FUT8: variants seen among roughly 807,000 people sequenced by gnomAD.
FUT8 encodes fucosyltransferase 8, also known as alpha-(1,6)-fucosyltransferase.
Under a neutral mutation model 71.3 loss-of-function variants are expected in FUT8, and 29 were observed. That is an observed-to-expected ratio of 0.41 (90% CI 0.30 to 0.55). The LOEUF (loss-of-function observed/expected upper bound fraction) is 0.55. Ranked by LOEUF, FUT8 falls within the 20% of genes least tolerant of loss-of-function variation. The pLI, the probability that FUT8 is intolerant of heterozygous loss-of-function variation, is 0.34. For missense variants in FUT8, 544 were observed against 702.1 expected (o/e 0.77, Z 2.55); for synonymous variants, 254 against 239.3 (o/e 1.06, Z -0.57).
intron 2 of FUT8, among the ~76,000 whole-genome samples, chr14:65,525,676 C>T (rs1481554856): frequency 6.6e-6 from 1 of 152,166 alleles, no homozygotes; most frequent in Non-Finnish European, 1.5e-5. Flanking sequence ...TTAGATCTTT[C>T]CTGCTTTCTC....
At chr14:65,544,361 T>A (rs1884863568) in intron 2 of FUT8, among the ~76,000 whole-genome samples, 1 of 152,184 alleles carries the variant, frequency 6.6e-6, no homozygotes, top group South Asian at 2.1e-4. Flanking sequence ...TATAGCAGGG[T>A]AAACTGTCCA....
At position 65,634,379 on chromosome 14, in the gene FUT8, A is replaced by G. The variant is rs191697238; in HGVS notation, c.597+4773A>G. On this transcript the variant is annotated intron_variant, in intron 6 of 10. Transcript: ENST00000673929. ...GCTTGAAGGCAACATGCTCGTTAAG[A>G]GTCATCACCACTCCCTAATCTCAAG... is the stretch of plus-strand genomic sequence containing the variant. Among the ~76,000 whole-genome samples the G allele has an allele frequency of 4.4e-3, 670 of 152,162 alleles. 4 individuals are homozygous for G. Among genetic ancestry groups the G allele is most frequent in the Non-Finnish European group, 7.8e-3 (531 of 68,000 alleles).
intron 3 of FUT8, among the ~76,000 whole-genome samples, chr14:65,595,602 C>CTTTTTTTTTT (rs34129010): frequency 2.6e-4 from 21 of 81,756 alleles, no homozygotes; most frequent in East Asian, 3.8e-4. Flanking sequence ...ACACCATTCT[C>CTTTTTTTTTT]TTTTTTTTTT....
intron 5 of FUT8, among the ~76,000 whole-genome samples, chr14:65,619,674 G>A (rs749909336): frequency 4.6e-5 from 7 of 151,882 alleles, no homozygotes; most frequent in Non-Finnish European, 5.9e-5. Context: ...AGGTGTTGAT[G>A]GTATAATAAA....
At chr14:65,584,005 G>C (rs1438258545) in intron 3 of FUT8, among the ~76,000 whole-genome samples, 2 of 151,976 alleles carry the variant, frequency 1.3e-5, no homozygotes, top group East Asian at 1.9e-4. Context: ...TCAGCTTCCC[G>C]AGTAGCTGGG....
chr14:65,740,164 T>A (rs946862040), intron 10 of FUT8, among the ~76,000 whole-genome samples: 8 of 152,156 alleles, frequency 5.3e-5, no homozygotes, highest in African/African-American at 1.9e-4. Flanking sequence ...ATGATCTCAA[T>A]TGTAAAATGA....
intron 6 of FUT8, among the ~76,000 whole-genome samples, chr14:65,665,728 T>C (rs1488620538): frequency 6.6e-6 from 1 of 152,174 alleles, no homozygotes; most frequent in Non-Finnish European, 1.5e-5. Flanking sequence ...GTCATACATA[T>C]ACACCATGGA....
chr14:65,425,382 A>G (rs941152026), intron 1 of FUT8, among the ~76,000 whole-genome samples: 1 of 149,768 alleles, frequency 6.7e-6, no homozygotes, highest in Non-Finnish European at 1.5e-5. Context: ...TAGTCAGGCT[A>G]GTCTAGAACT....
chr14:65,722,498 C>A lies in FUT8; in HGVS notation c.1082+477C>A, dbSNP rs557734967. 1.6e-4 allele frequency among the ~76,000 whole-genome samples: 24 copies of A among 152,274 alleles called. No individual in the cohort carries two copies. In the South Asian group the frequency reaches 5.0e-3, roughly 32 times the overall value. On this transcript the variant is annotated intron_variant, in intron 8 of 10. Coordinates refer to ENST00000673929, the MANE Select transcript of FUT8 (RefSeq NM_001371533.1). ...TTCATATTTCCCACCCCACATCTTTCCTTGTGTCTTAGTCTTCATATGTAG... is the reference window on the plus strand; with the variant it reads ...TTCATATTTCCCACCCCACATCTTTACTTGTGTCTTAGTCTTCATATGTAG...
rs2066168789 is a variant in FUT8 at position 65,472,792 on chromosome 14, G to A, written c.-228+17074G>A. 6.6e-6 allele frequency among the ~76,000 whole-genome samples: 1 copy of A among 151,960 alleles called. No homozygotes were observed. The highest frequency in any genetic ancestry group is 1.5e-5 in the Non-Finnish European group (1 of 67,958). ...TTTTATGAGCACAGAATAAGGTAAT[G>A]TTTATTCTTATTTTTTTTGTGATAT... On this transcript the variant is annotated intron_variant, in intron 2 of 10. Transcript: ENST00000673929. This position sits in a 1 kb window ranked among gnomAD's most constrained non-coding sequence, Gnocchi z 4.4.
chr14:65,722,000 G>C lies in FUT8; in HGVS notation c.1061G>C (p.Gly354Ala). ...ATAGAAGAAGCCACCAAGAAGCTTGGCTTCAAACATCCAGTTATTGGGTAA... is the reference window on the plus strand; with the variant it reads ...ATAGAAGAAGCCACCAAGAAGCTTGCCTTCAAACATCCAGTTATTGGGTAA... ...KEIEEATKKL[G>A]FKHPVIGVHV... is the part of the protein sequence containing the mutation. The change falls in exon 8 of 11, where the codon GGC (glycine) becomes GCC (alanine). Residue 354 changes from glycine to alanine, a missense_variant. Gly to Ala is a moderately conservative substitution (Grantham distance 60). Coordinates refer to ENST00000673929, the MANE Select transcript of FUT8 (RefSeq NM_001371533.1). The C allele has an allele frequency of 6.2e-7, 1 of 1,614,080 alleles. No individual in the cohort carries two copies.
At chr14:65,370,466 C>T in the FUT8 span, among the ~76,000 whole-genome samples, 2 of 151,580 alleles carry the variant, frequency 1.3e-5, no homozygotes, top group Non-Finnish European at 2.9e-5. Context: ...CCTCGGCCTC[C>T]CAAAGTGCTA....
chr14:65,734,327 G>A (rs1383404733), intron 10 of FUT8, among the ~76,000 whole-genome samples: 4 of 152,094 alleles, frequency 2.6e-5, no homozygotes, highest in Non-Finnish European at 4.4e-5. Context: ...AGTATACTTC[G>A]GAGAGTAAAA....
In FUT8 at chr14:65,660,689, C is replaced by A. The variant is rs1349296506; in HGVS notation, c.598-8554C>A. Among the ~76,000 whole-genome samples, 1 of 152,170 alleles carries A rather than the reference C, an allele frequency of 6.6e-6. No homozygotes were observed. The highest frequency in any genetic ancestry group is 1.5e-5 in the Non-Finnish European group (1 of 68,022). On this transcript the variant is annotated intron_variant, in intron 6 of 10. Coordinates refer to ENST00000673929, the MANE Select transcript of FUT8 (RefSeq NM_001371533.1). This position sits in a 1 kb window ranked among gnomAD's most constrained non-coding sequence, Gnocchi z 4.1. Reference sequence around the variant, plus strand: ...AAAGGATGCCTTAGTACAGTCTTAACTTTGCTATGGAAATATTCTTGTTTA... The same window carrying A: ...AAAGGATGCCTTAGTACAGTCTTAAATTTGCTATGGAAATATTCTTGTTTA...
intron 7 of FUT8, among the ~76,000 whole-genome samples, chr14:65,671,932 T>A (rs1437170917): frequency 6.6e-6 from 1 of 152,190 alleles, no homozygotes; most frequent in Non-Finnish European, 1.5e-5. Flanking sequence ...GTACAAAAAA[T>A]CTTGGGATAT....
At chr14:65,499,996 C>T (rs1005481081) in intron 2 of FUT8, among the ~76,000 whole-genome samples, 1 of 152,190 alleles carries the variant, frequency 6.6e-6, no homozygotes, top group Non-Finnish European at 1.5e-5. Flanking sequence ...TTTGGTCTCA[C>T]ATACACACTT....
intron 7 of FUT8, among the ~76,000 whole-genome samples, chr14:65,715,591 T>TA (rs1424505825): frequency 6.6e-6 from 1 of 152,252 alleles, no homozygotes; most frequent in Non-Finnish European, 1.5e-5. Flanking sequence ...TGTAGACACT[T>TA]ACTGCTATAA....
chr14:65,691,774 G>A (rs1293719983), intron 7 of FUT8, among the ~76,000 whole-genome samples: 2 of 151,656 alleles, frequency 1.3e-5, no homozygotes, highest in African/African-American at 2.4e-5. Context: ...GTGTCCCTGG[G>A]TACTTGAGAT....
At position 65,693,234 on chromosome 14, in the gene FUT8, C is replaced by T. The variant is rs28496380; in HGVS notation, c.835+23754C>T. On this transcript the variant is annotated intron_variant, in intron 7 of 10. Transcript: ENST00000673929. ...TGGGCACCATTGAGCACTGAGTGAA[C>T]GAGACTCCGTCTGCAATCCAGGCAC... 5.8e-3 allele frequency among the ~76,000 whole-genome samples: 888 copies of T among 152,340 alleles called. 34 individuals are homozygous for T. In the East Asian group the frequency reaches 0.094, roughly 16 times the overall value.
Sources: gnomAD v4.1 joint callset for allele counts (sites outside exome capture counted in the v4.1 genomes callset) on GRCh38, gnomAD v4.1.1 for gene constraint, Gnocchi (gnomAD v3.1) non-coding constraint, MANE v1.5 for transcripts, NCBI Gene and HGNC (gene_info 2026-07-23, HGNC 2026-07-21) for gene names.